SLC1A7: variants seen among roughly 807,000 people sequenced by gnomAD.
SLC1A7 encodes the protein solute carrier family 1 member 7.
A neutral mutation model predicts 47.7 loss-of-function variants in SLC1A7; 40 were observed. The ratio of observed to expected loss-of-function variants is 0.84; its 90% CI spans 0.65 to 1.09. The LOEUF (loss-of-function observed/expected upper bound fraction) is 1.09, where lower values mean the gene tolerates loss of function less well. Among genes scored for constraint, SLC1A7 ranks in the 50% least tolerant of loss-of-function variants. The probability of loss-of-function intolerance (pLI) is 0.00; values close to 1 mark genes in which losing one functional copy is unlikely to be tolerated. For missense variants in SLC1A7, 746 were observed against 769.5 expected (o/e 0.97, Z 0.36); for synonymous variants, 323 against 325.6 (o/e 0.99, Z 0.09).
chr1:53,125,738 G>A (rs1433361458), intron 2 of SLC1A7, among the ~76,000 whole-genome samples: 1 of 152,228 alleles, frequency 6.6e-6, no homozygotes, highest in African/African-American at 2.4e-5. Context: ...GCAAGGGGCA[G>A]TGTGCAGACT....
intron 2 of SLC1A7, among the ~76,000 whole-genome samples, chr1:53,127,983 C>A (rs1644901265): frequency 6.6e-6 from 1 of 152,200 alleles, no homozygotes; most frequent in African/African-American, 2.4e-5. Context: ...CTGAGGCAAC[C>A]ATGAAGTGTG....
Position 53,087,914 on chromosome 1 carries a change from G to C in SLC1A7, c.*95C>G. On this transcript the variant is annotated 3_prime_UTR_variant, in exon 11 of 11. Transcript: ENST00000371494. Reference sequence around the variant, plus strand: ...AAGGGTGAGAAGAATGTGTGATCCTGGCCCCTGCCGGCTGCTCAGGAGGGT... The same window carrying C: ...AAGGGTGAGAAGAATGTGTGATCCTCGCCCCTGCCGGCTGCTCAGGAGGGT... 1.6e-6 allele frequency: 1 copy of C among 623,444 alleles called. No homozygotes were observed. The highest frequency in any genetic ancestry group is 2.6e-6 in the Non-Finnish European group (1 of 385,132). The allele number at this position is 623,444 out of a possible 1,614,324, so 38.6% of individuals were successfully genotyped here. A position where few individuals can be genotyped will look rare whatever the true frequency, so the allele number is the denominator to read the frequency against.
At chr1:53,136,804 C>T (rs186761806) in intron 1 of SLC1A7, among the ~76,000 whole-genome samples, 4 of 151,308 alleles carry the variant, frequency 2.6e-5, no homozygotes, top group African/African-American at 9.7e-5. Context: ...GTAGCTGAGA[C>T]CACAGATGTA....
At chr1:53,141,747 C>T (rs1422714671) in intron 1 of SLC1A7, among the ~76,000 whole-genome samples, 1 of 152,050 alleles carries the variant, frequency 6.6e-6, no homozygotes, top group Non-Finnish European at 1.5e-5. Flanking sequence ...CCCTGCCTGC[C>T]CCAGAATCAC....
In SLC1A7 at chr1:53,114,908, G is replaced by T; in HGVS notation, c.281C>A (p.Ala94Glu). Reference protein sequence around the residue: ...TSSRLGVLTVAYYLWTTFMAV... With the variant: ...TSSRLGVLTVEYYLWTTFMAV... ...CATGAAGGTGGTCCACAGGTAGTAC[G>T]CCACGGTGAGGACGCCCAGGCGGCT... is the stretch of plus-strand genomic sequence containing the variant. Residue 94 changes from alanine to glutamate, a missense_variant, in exon 3 of 11, where the codon GCG (alanine) becomes GAG (glutamate). By Grantham distance (107) the Ala-to-Glu change is moderately radical. Coordinates refer to ENST00000371494, the MANE Select transcript of SLC1A7 (RefSeq NM_006671.6). 3.1e-6 allele frequency: 5 copies of T among 1,614,160 alleles called. No individual in the cohort carries two copies. Among genetic ancestry groups the T allele is most frequent in the Non-Finnish European group, 4.2e-6 (5 of 1,180,026 alleles).
rs1458722675 is a variant in SLC1A7 at position 53,088,295 on chromosome 1, G to A, written c.1465-68C>T. On this transcript the variant is annotated intron_variant, in intron 10 of 10. Coordinates refer to ENST00000371494, the MANE Select transcript of SLC1A7 (RefSeq NM_006671.6). Reference sequence around the variant, plus strand: ...AGGTTAGATACGAGGGAGGACTGAGGGCCAGTGGGGCAGAATGAGCTCAGG... The same window carrying A: ...AGGTTAGATACGAGGGAGGACTGAGAGCCAGTGGGGCAGAATGAGCTCAGG... 10 of 1,284,870 alleles carry A rather than the reference G, an allele frequency of 7.8e-6. No individual in the cohort carries two copies. The East Asian group carries it at 2.6e-4, about 33-fold the overall frequency. The allele number at this position is 1,284,870 out of a possible 1,614,324, so 79.6% of individuals were successfully genotyped here. A position where few individuals can be genotyped will look rare whatever the true frequency, so the allele number is the denominator to read the frequency against.
At chr1:53,088,815 G>T (rs1644387196) in intron 10 of SLC1A7, 62 bp downstream of exon 10, 2 of 1,325,550 alleles carry the variant, frequency 1.5e-6, no homozygotes, top group South Asian at 2.4e-5. Context: ...GGAAGATCTG[G>T]TGCCCTGCCC....
chr1:53,092,144 AG>A (rs1225758047), intron 7 of SLC1A7, among the ~76,000 whole-genome samples: 2 of 152,254 alleles, frequency 1.3e-5, no homozygotes, highest in Non-Finnish European at 2.9e-5. Context: ...AGGTTGTGAC[AG>A]GGCACCCAGC....
chr1:53,136,138 ACT>A (rs201851293), intron 1 of SLC1A7, among the ~76,000 whole-genome samples: 11,534 of 123,550 alleles, frequency 0.093, 490 homozygotes, highest in Middle Eastern at 0.16. Flanking sequence ...GCCCATCATG[ACT>A]CTCTCTCTCT....
At chr1:53,138,945 AGAG>A (rs1357756937) in intron 1 of SLC1A7, among the ~76,000 whole-genome samples, 1 of 152,158 alleles carries the variant, frequency 6.6e-6, no homozygotes, top group South Asian at 2.1e-4. Flanking sequence ...AGAAAGCTTA[AGAG>A]GAGATTTACA....
intron 7 of SLC1A7, 52 bp from the exon 8 acceptor site, chr1:53,090,858 G>C (rs759410285): frequency 1.3e-6 from 2 of 1,564,082 alleles, no homozygotes; most frequent in Non-Finnish European, 1.7e-6. Context: ...AGGATGGCTG[G>C]GGCCTCTGTC....
At chr1:53,122,936 T>C (rs764581853) in intron 2 of SLC1A7, among the ~76,000 whole-genome samples, 3 of 152,082 alleles carry the variant, frequency 2.0e-5, no homozygotes, top group Non-Finnish European at 2.9e-5. Flanking sequence ...GGAGAGAGTG[T>C]GGGGCTCAGA....
At chr1:53,102,573 C>G (rs1048748374) in intron 5 of SLC1A7, 1 of 152,368 alleles carries the variant, frequency 6.6e-6, no homozygotes, top group Non-Finnish European at 1.5e-5. Context: ...GCCAGTCTCA[C>G]GGGGCTTTTC....
intron 3 of SLC1A7, among the ~76,000 whole-genome samples, chr1:53,111,036 G>A (rs932205037): frequency 6.6e-6 from 1 of 152,176 alleles, no homozygotes; most frequent in Admixed American, 6.5e-5. Flanking sequence ...AAAGAGCCAG[G>A]CTTCACAGGG....
intron 5 of SLC1A7, among the ~76,000 whole-genome samples, chr1:53,094,119 C>T (rs1255075166): frequency 6.6e-6 from 1 of 152,342 alleles, no homozygotes; most frequent in South Asian, 2.1e-4. Context: ...AATATCTCAC[C>T]TCTTAGGGCC....
chr1:53,112,606 A>G (rs945802779), intron 3 of SLC1A7, among the ~76,000 whole-genome samples: 3 of 152,256 alleles, frequency 2.0e-5, no homozygotes, highest in Non-Finnish European at 4.4e-5. Flanking sequence ...AGAACTATTC[A>G]GAGACCTTGG....
Position 53,142,509 on chromosome 1 carries a change from G to T in SLC1A7, c.-60C>A. On this transcript the variant is annotated 5_prime_UTR_variant, in exon 1 of 11. Transcript: ENST00000371494. ...CATTCCACGCATGAGAGCCCGGCCG[G>T]GGGCACAGGGTCTGGGCTGAGGGCT... The T allele has an allele frequency of 6.3e-7, 1 of 1,579,018 alleles. No individual in the cohort carries two copies.
intron 2 of SLC1A7, among the ~76,000 whole-genome samples, chr1:53,120,064 C>A (rs1025392232): frequency 3.9e-5 from 6 of 152,186 alleles, no homozygotes; most frequent in African/African-American, 1.4e-4. Context: ...CAAGAGATTG[C>A]AGTGATTAGA....
At chr1:53,090,225 C>T in intron 8 of SLC1A7, 1 of 562,212 alleles carries the variant, frequency 1.8e-6, no homozygotes, top group Non-Finnish European at 3.2e-6. Flanking sequence ...TATGGGGCTG[C>T]CCAGGGACTC....
Sources: gnomAD v4.1 joint callset for allele counts (sites outside exome capture counted in the v4.1 genomes callset) on GRCh38, gnomAD v4.1.1 for gene constraint, MANE v1.5 for transcripts, NCBI Gene and HGNC (gene_info 2026-07-23, HGNC 2026-07-21) for gene names.